NIPBL: variants seen among roughly 807,000 people sequenced by gnomAD.
NIPBL encodes nipped-B-like protein.
Under a neutral mutation model 321.8 loss-of-function variants are expected in NIPBL, and 19 were observed. The observed-to-expected ratio is 0.06, with a 90% CI of 0.04 to 0.09. NIPBL has a LOEUF of 0.09. NIPBL is among the 10% of genes least tolerant of loss of function. The pLI is 1.00. For missense variants in NIPBL, 2,210 were observed against 3,327.0 expected, an observed-to-expected ratio of 0.66 and a Z score of 8.26; for synonymous variants, 1,106 against 1,114.1, an observed-to-expected ratio of 0.99 and a Z score of 0.14.
At chr5:37,034,425 A>G (rs190372543) in intron 32 of NIPBL, among the ~76,000 whole-genome samples, 229 of 152,320 alleles carry the variant, frequency 1.5e-3, no homozygotes, top group Non-Finnish European at 2.6e-3. Context: ...GCATATTTGC[A>G]TCAGGAGGCA....
At chr5:37,012,874 C>CA (rs1438041946) in intron 21 of NIPBL, among the ~76,000 whole-genome samples, 11 of 152,226 alleles carry the variant, frequency 7.2e-5, no homozygotes, top group African/African-American at 2.7e-4. Context: ...TCTTTCTACA[C>CA]AGACACGGCA....
intron 1 of NIPBL, among the ~76,000 whole-genome samples, chr5:36,930,097 A>C (rs1015711730): frequency 1.3e-5 from 2 of 151,986 alleles, no homozygotes; most frequent in Non-Finnish European, 2.9e-5. Flanking sequence ...GGATCAGCTT[A>C]TTTCTATGGA....
At chr5:37,008,559 G>A (rs1321785096) in intron 19 of NIPBL, 64 bp from the exon 20 acceptor site, 2 of 847,726 alleles carry the variant, frequency 2.4e-6, no homozygotes, top group East Asian at 2.4e-5. Flanking sequence ...TAAATCACAT[G>A]ATATTATTTT....
intron 1 of NIPBL, among the ~76,000 whole-genome samples, chr5:36,889,187 A>C (rs1174875208): frequency 1.3e-5 from 2 of 152,166 alleles, no homozygotes; most frequent in African/African-American, 4.8e-5. Flanking sequence ...TGAAACCCAG[A>C]AATGGTGGAC....
At chr5:36,987,181 G>A (rs1181407987) in intron 10 of NIPBL, among the ~76,000 whole-genome samples, 1 of 152,122 alleles carries the variant, frequency 6.6e-6, no homozygotes, top group Non-Finnish European at 1.5e-5. Flanking sequence ...TGTCCATACA[G>A]TCTAAATATA....
chr5:36,971,795 A>T, intron 7 of NIPBL, 150 bp from the exon 8 acceptor site: 6 of 1,453,138 alleles, frequency 4.1e-6, no homozygotes, highest in Non-Finnish European at 5.4e-6. Context: ...AAGATATACC[A>T]AGAAGAAAAC....
At chr5:36,914,127 C>T (rs555008995) in intron 1 of NIPBL, among the ~76,000 whole-genome samples, 7 of 152,270 alleles carry the variant, frequency 4.6e-5, no homozygotes, top group African/African-American at 1.4e-4. Flanking sequence ...TTCTGTTGGC[C>T]GTTAAATATT....
intron 8 of NIPBL, 98 bp downstream of exon 8, chr5:36,972,139 AT>A (rs112950820): frequency 5.1e-4 from 398 of 787,878 alleles, no homozygotes; most frequent in Non-Finnish European, 5.8e-4. Context: ...GTTATTCTGT[AT>A]TTTTTTTTCA....
At position 36,953,637 on chromosome 5, in the gene NIPBL, A is replaced by G; in HGVS notation, c.-60A>G. 1.5e-6 allele frequency: 2 copies of G among 1,344,120 alleles called. No homozygotes were observed. Among genetic ancestry groups the G allele is most frequent in the Non-Finnish European group, 2.1e-6 (2 of 933,452 alleles). 83.3% of individuals were successfully genotyped at this position (1,344,120 alleles called of 1,614,324 possible). ...TTGCAGTGTTTGGGAAATGGGAAGT[A>G]ATGACAGCTGGCACCTGAACTAAGT... On this transcript the variant is annotated 5_prime_UTR_variant, in exon 2 of 47. Coordinates refer to ENST00000282516, the MANE Select transcript of NIPBL (RefSeq NM_133433.4).
At chr5:37,013,880 C>G (rs1168728734) in intron 21 of NIPBL, among the ~76,000 whole-genome samples, 4 of 152,094 alleles carry the variant, frequency 2.6e-5, no homozygotes, top group Non-Finnish European at 5.9e-5. Context: ...AGGTTGTAGC[C>G]AGCCGAGATC....
At chr5:36,946,162 C>G (rs2149588535) in intron 1 of NIPBL, among the ~76,000 whole-genome samples, 1 of 152,108 alleles carries the variant, frequency 6.6e-6, no homozygotes, top group African/African-American at 2.4e-5. Context: ...AGAAATCTTG[C>G]TCCTCTTTTA....
chr5:37,000,437 A>G lies in NIPBL; in HGVS notation c.3369A>G (p.Arg1123=), dbSNP rs140344071. The change falls in exon 12 of 47, where the codon AGA becomes AGG. Residue 1123 remains arginine, a synonymous_variant. Transcript: ENST00000282516. ...KAWEYEERDR[R]SSGDHRRSGH... is the part of the protein sequence containing the mutation. ...GGGAATATGAAGAGCGTGACAGAAG[A>G]AGCTCTGGGGATCATAGGAGAAGTG... The G allele has an allele frequency of 5.0e-6, 8 of 1,613,352 alleles. No homozygotes were observed. In the African/African-American group the frequency reaches 9.3e-5, roughly 19 times the overall value.
At chr5:37,056,748 T>C (rs1431304912) in intron 42 of NIPBL, among the ~76,000 whole-genome samples, 2 of 152,210 alleles carry the variant, frequency 1.3e-5, no homozygotes, top group African/African-American at 4.8e-5. Flanking sequence ...CACAATGATA[T>C]AACTAGAACT....
At chr5:36,880,710 A>T (rs1745436873) in intron 1 of NIPBL, among the ~76,000 whole-genome samples, 1 of 152,030 alleles carries the variant, frequency 6.6e-6, no homozygotes, top group Non-Finnish European at 1.5e-5. Flanking sequence ...TTGTTTTAAG[A>T]TGGACTTTTT....
At chr5:36,954,031 C>T (rs900700082) in intron 2 of NIPBL, among the ~76,000 whole-genome samples, 2 of 152,150 alleles carry the variant, frequency 1.3e-5, no homozygotes, top group Non-Finnish European at 2.9e-5. Flanking sequence ...TTTTAAAGAA[C>T]ATTGCCAGTC....
At chr5:36,904,046 C>T (rs1339276134) in intron 1 of NIPBL, among the ~76,000 whole-genome samples, 1 of 152,096 alleles carries the variant, frequency 6.6e-6, no homozygotes, top group African/African-American at 2.4e-5. Context: ...ATACCACATA[C>T]TGTATAGGAT....
intron 32 of NIPBL, among the ~76,000 whole-genome samples, chr5:37,033,730 A>ATATATAT (rs775482943): frequency 1.4e-4 from 3 of 21,518 alleles, no homozygotes; most frequent in African/African-American, 2.0e-4. Flanking sequence ...ATATATATAT[A>ATATATAT]TTTTTTTTTT....
At chr5:36,962,677 C>T (rs1741764564) in intron 6 of NIPBL, among the ~76,000 whole-genome samples, 1 of 152,086 alleles carries the variant, frequency 6.6e-6, no homozygotes, top group Non-Finnish European at 1.5e-5. Context: ...TGGATTCAAC[C>T]AAACACGGAG....
rs1245018888 is a variant in NIPBL, at chr5:36,986,235, G to C, written c.3055G>C (p.Asp1019His). The change falls in exon 10 of 47, where the codon GAT becomes CAT. Residue 1019 changes from aspartate to histidine, a missense_variant. Around this residue, in one of 14 missense-constraint regions of NIPBL, gnomAD observed 381 missense variants for 642.3 expected, o/e 0.59. Transcript: ENST00000282516. ...SLDDVQKLIK[D>H]REDKSRSSLK... is the part of the protein sequence containing the mutation. The stretch of plus-strand genomic sequence containing the variant: ...GGATGATGTTCAGAAACTTATTAAA[G>C]ATAGAGAGGACAAATCAAGAAGTTC... 1.3e-6 allele frequency: 2 copies of C among 1,575,922 alleles called. No homozygotes were observed. The highest frequency in any genetic ancestry group is 1.9e-5 in the Admixed American group (1 of 52,936).
Sources: allele counts gnomAD v4.1 joint callset (sites outside exome capture counted in the v4.1 genomes callset), GRCh38; gene constraint gnomAD v4.1.1; regional missense constraint gnomAD v4.1.1; transcripts MANE v1.5; gene names NCBI Gene and HGNC (gene_info 2026-07-23, HGNC 2026-07-21).